The following SH3BP2 variants were observed in gnomAD, a reference collection of about 807,000 sequenced individuals.
SH3BP2 encodes SH3 domain binding protein 2.
Under a neutral mutation model 56.2 loss-of-function variants are expected in SH3BP2, and 38 were observed. That is an observed-to-expected ratio of 0.68 (90% CI 0.52 to 0.89). The LOEUF is 0.89. SH3BP2 is among the 40% of genes least tolerant of loss of function. SH3BP2 has a pLI of 0.00. For synonymous variants in SH3BP2, 346 were observed against 316.7 expected (o/e 1.09, Z -0.98); for missense variants, 748 against 762.6 (o/e 0.98, Z 0.23).
intron 1 of SH3BP2, among the ~76,000 whole-genome samples, chr4:2,806,701 G>A (rs551911676): frequency 1.3e-5 from 2 of 152,336 alleles, no homozygotes; most frequent in South Asian, 4.1e-4. Context: ...CCCCTGCCTG[G>A]CCAGGCCAGA....
chr4:2,832,868 C>A, intron 11 of SH3BP2, 122 bp from the exon 12 acceptor site: 3 of 980,448 alleles, frequency 3.1e-6, no homozygotes, highest in Non-Finnish European at 4.9e-6. Context: ...TCCCTCCCCG[C>A]CCCCCGAGGG....
At chr4:2,793,330 C>T (rs1386810491) in intron 1 of SH3BP2, among the ~76,000 whole-genome samples, 192 bp downstream of exon 1, 36 of 141,572 alleles carry the variant, frequency 2.5e-4, no homozygotes, top group African/African-American at 9.3e-4. Context: ...CGGGGAGTCT[C>T]AGGGGTCCCG....
At position 2,838,222 on chromosome 4, in the gene SH3BP2, T is replaced by C. The variant is rs1259109909; in HGVS notation, c.*4388T>C. 1 of 152,198 alleles carries C rather than the reference T, an allele frequency of 6.6e-6. No individual in the cohort carries two copies. The highest frequency in any genetic ancestry group is 1.5e-5 in the Non-Finnish European group (1 of 68,036). 9.4% of individuals were successfully genotyped at this position (152,198 alleles called of 1,614,324 possible). ...ACGATCTGCAACCACCATCAGGAAA[T>C]AGTTTTGCCAGCACCCAAGTGCCCT... On this transcript the variant is annotated 3_prime_UTR_variant, in exon 13 of 13. Transcript: ENST00000503393.
chr4:2,823,407 C>G (rs752366246), intron 3 of SH3BP2: 44 of 463,420 alleles, frequency 9.5e-5, no homozygotes, highest in African/African-American at 7.7e-4. Flanking sequence ...AGCCCAGACC[C>G]CAGCCAGCCC....
In SH3BP2 at chr4:2,837,881, CACCACCT is replaced by C. The variant is rs1325123176; in HGVS notation, c.*4048_*4054del. 9 of 152,508 alleles carry C rather than the reference CACCACCT, an allele frequency of 5.9e-5. No individual in the cohort carries two copies. The highest frequency in any genetic ancestry group is 2.2e-4 in the African/African-American group (9 of 41,588). 9.4% of individuals were successfully genotyped at this position (152,508 alleles called of 1,614,324 possible). ...GTGAAGATGCTTGACAGACAACCCCCACCACCTCAGAAGTGTGTGTGAGTGGTGAACC... is the reference window on the plus strand; with the variant it reads ...GTGAAGATGCTTGACAGACAACCCCCCAGAAGTGTGTGTGAGTGGTGAACC... On this transcript the variant is annotated 3_prime_UTR_variant, in exon 13 of 13. Coordinates refer to ENST00000503393, the MANE Select transcript of SH3BP2 (RefSeq NM_001122681.2).
rs1724979503 is a variant in SH3BP2, at chr4:2,831,457, A to AT, written c.1242-113dup. 1 of 795,862 alleles carries AT rather than the reference A, an allele frequency of 1.3e-6. No homozygotes were observed. Among genetic ancestry groups the AT allele is most frequent in the South Asian group, 1.5e-5 (1 of 68,262 alleles). The allele number at this position is 795,862 out of a possible 1,614,324, so 49.3% of individuals were successfully genotyped here. A position where few individuals can be genotyped will look rare whatever the true frequency, so the allele number is the denominator to read the frequency against. ...TGAGCTTTTTAGGGTCACAGGGGCC[A>AT]TAGCAGGCAGCTTGCCGTCCTCACA... On this transcript the variant is annotated intron_variant, in intron 8 of 12. Coordinates refer to ENST00000503393, the MANE Select transcript of SH3BP2 (RefSeq NM_001122681.2). This position sits in a 1 kb window ranked among gnomAD's most constrained non-coding sequence, Gnocchi z 4.1.
chr4:2,817,630 G>C (rs1039095834), intron 1 of SH3BP2, among the ~76,000 whole-genome samples: 1 of 152,194 alleles, frequency 6.6e-6, no homozygotes, highest in Non-Finnish European at 1.5e-5. Flanking sequence ...GCCGGCCTTT[G>C]GCCACCCCAG....
At chr4:2,801,970 T>A (rs1307161838) in intron 1 of SH3BP2, among the ~76,000 whole-genome samples, 1 of 151,464 alleles carries the variant, frequency 6.6e-6, no homozygotes, top group African/African-American at 2.4e-5. Context: ...AAGCCAGGCA[T>A]GTTGGCGCAT....
intron 1 of SH3BP2, chr4:2,793,756 G>A (rs1344691711): frequency 1.3e-5 from 2 of 152,270 alleles, no homozygotes; most frequent in Non-Finnish European, 2.9e-5. Flanking sequence ...TCACACTGAA[G>A]TGTGAGTGAC....
rs2108744283 is a variant in SH3BP2 at position 2,834,318 on chromosome 4, A to AG, written c.*488dup. 1 of 158,762 alleles carries AG rather than the reference A, an allele frequency of 6.3e-6. No homozygotes were observed. The highest frequency in any genetic ancestry group is 2.4e-5 in the African/African-American group (1 of 41,720). 9.8% of individuals were successfully genotyped at this position (158,762 alleles called of 1,614,324 possible). A position where few individuals can be genotyped will look rare whatever the true frequency, so the allele number is the denominator to read the frequency against. ...GGTGGCTGGGGCTTGATTGGGAAGG[A>AG]GGGGATTACCAGCTTACTGGGTGCC... On this transcript the variant is annotated 3_prime_UTR_variant, in exon 13 of 13. Coordinates refer to ENST00000503393, the MANE Select transcript of SH3BP2 (RefSeq NM_001122681.2).
At chr4:2,822,859 C>G (rs1289359355) in intron 2 of SH3BP2, 76 bp from the exon 3 acceptor site, 1 of 1,121,926 alleles carries the variant, frequency 8.9e-7, no homozygotes, top group African/African-American at 1.5e-5. Flanking sequence ...CCAAGTTGTC[C>G]TGTGGAGGGT....
chr4:2,805,000 T>C (rs421714), intron 1 of SH3BP2, among the ~76,000 whole-genome samples: 119,155 of 152,258 alleles, frequency 0.78, 47,625 homozygotes, highest in African/African-American at 0.94. Flanking sequence ...GGGGGCTCCC[T>C]GCCCCTCCCT....
chr4:2,833,711 C>T lies in SH3BP2; in HGVS notation c.1563C>T (p.Tyr521=), dbSNP rs1464644534. Residue 521 remains tyrosine, a synonymous_variant, in exon 13 of 13, where the codon TAC becomes TAT. Transcript: ENST00000503393. ...TTCCCCCACAGGACTCTAAGTTCTA[C>T]CTGGAGGGCGAGGTCCTGTTTGTGA... is the stretch of plus-strand genomic sequence containing the variant. The part of the protein sequence containing the change: ...YRIFEKDSKF[Y]LEGEVLFVSV... 1 of 1,610,698 alleles carries T rather than the reference C, an allele frequency of 6.2e-7. No individual in the cohort carries two copies. The highest frequency in any genetic ancestry group is 1.7e-5 in the Admixed American group (1 of 59,708).
chr4:2,820,738 C>T lies in SH3BP2; in HGVS notation c.121C>T (p.Leu41=), dbSNP rs1226608086. 6.2e-7 allele frequency: 1 copy of T among 1,613,810 alleles called. No homozygotes were observed. The highest frequency in any genetic ancestry group is 2.2e-5 in the East Asian group (1 of 44,878). Residue 41 remains leucine (L), a synonymous_variant, in exon 2 of 13, where the codon CTG becomes TTG. Transcript: ENST00000503393. ...GYLHKKGGTQ[L]QLLKWPLRFV... ...CCTGCACAAGAAGGGCGGTACCCAG[C>T]TGCAGCTGCTGAAATGTGAGTCCCT...
At chr4:2,833,584 C>T in intron 12 of SH3BP2, 113 bp from the exon 13 acceptor site, 2 of 1,408,664 alleles carry the variant, frequency 1.4e-6, no homozygotes, top group East Asian at 5.0e-5. Flanking sequence ...CAGGGGCCAG[C>T]CTGGTGATGC....
rs1724863018 is a variant in SH3BP2, at chr4:2,829,639, C to G, written c.733C>G (p.Pro245Ala). ...ACCCCCGCCCCCTAAGCACGGCCTC[C>G]CAGATGTTGGCCTGGCTGCTGAGGA... ...LPPPPPKHGL[P>A]DVGLAAEDSK... The change falls in exon 8 of 13, where the codon CCA (proline) becomes GCA (alanine). Residue 245 changes from proline (P) to alanine (A), a missense_variant. Pro to Ala is a conservative substitution (Grantham distance 27). Coordinates refer to ENST00000503393, the MANE Select transcript of SH3BP2 (RefSeq NM_001122681.2). The surrounding 1 kb of genome is among the most constrained non-coding windows in gnomAD (Gnocchi z 4.9). 6.2e-7 allele frequency: 1 copy of G among 1,613,148 alleles called. No individual in the cohort carries two copies. Among genetic ancestry groups the G allele is most frequent in the Admixed American group, 1.7e-5 (1 of 59,984 alleles).
At chr4:2,799,325 G>C (rs1162002944) in intron 1 of SH3BP2, 1 of 984,900 alleles carries the variant, frequency 1.0e-6, no homozygotes, top group African/African-American at 1.7e-5. Context: ...GGCCCTGGGT[G>C]TGTAAAGTGG....
In SH3BP2 at chr4:2,823,892, C is replaced by T. The variant is rs138878371; in HGVS notation, c.240-721C>T. ...AGAGCACCCAGCCTGGTGCCAGGCC[C>T]CCATGCTGGCACAGAGCTCCGGGGT... On this transcript the variant is annotated intron_variant, in intron 3 of 12. Transcript: ENST00000503393. Among the ~76,000 whole-genome samples, 538 of 152,320 alleles carry T rather than the reference C, an allele frequency of 3.5e-3. 4 individuals are homozygous for T. The highest frequency in any genetic ancestry group is 0.012 in the African/African-American group (515 of 41,568).
chr4:2,829,624 C>G lies in SH3BP2; in HGVS notation c.718C>G (p.Pro240Ala). ...GPGPLLPPPP[P>A]KHGLPDVGLA... ...CGGTCCCCTACTGCCACCCCCGCCC[C>G]CTAAGCACGGCCTCCCAGATGTTGG... Residue 240 changes from proline (P) to alanine (A), a missense_variant, in exon 8 of 13, where the codon CCT becomes GCT. By Grantham distance (27) the Pro-to-Ala change is conservative. Coordinates refer to ENST00000503393, the MANE Select transcript of SH3BP2 (RefSeq NM_001122681.2). The surrounding 1 kb of genome is among the most constrained non-coding windows in gnomAD (Gnocchi z 4.9). 1.9e-6 allele frequency: 3 copies of G among 1,613,046 alleles called. No individual in the cohort carries two copies. The highest frequency in any genetic ancestry group is 2.5e-6 in the Non-Finnish European group (3 of 1,179,806).
Sources: gnomAD v4.1 joint callset for allele counts (sites outside exome capture counted in the v4.1 genomes callset) on GRCh38, gnomAD v4.1.1 for gene constraint, Gnocchi (gnomAD v3.1) non-coding constraint, MANE v1.5 for transcripts, NCBI Gene and HGNC (gene_info 2026-07-23, HGNC 2026-07-21) for gene names.